Variants in GUCY1A1 observed in about 807,000 individuals in gnomAD.
GUCY1A1 encodes guanylate cyclase 1 soluble subunit alpha 1.
Under a neutral mutation model 64.5 loss-of-function variants are expected in GUCY1A1, and 48 were observed. That is an observed-to-expected ratio of 0.74 (90% CI 0.59 to 0.95). The LOEUF is 0.95. Ranked by LOEUF, GUCY1A1 falls within the 40% of genes least tolerant of loss-of-function variation. The pLI is 0.00. For missense variants in GUCY1A1, 804 were observed against 825.3 expected, an observed-to-expected ratio of 0.97 and a Z score of 0.32; for synonymous variants, 308 against 303.4, an observed-to-expected ratio of 1.02 and a Z score of -0.16.
chr4:155,708,708 T>C (rs1050618040), intron 5 of GUCY1A1, among the ~76,000 whole-genome samples: 4 of 152,214 alleles, frequency 2.6e-5, no homozygotes, highest in African/African-American at 7.2e-5. Context: ...AAAATTGATA[T>C]GTGACTTTGT....
At chr4:155,695,032 A>T (rs977475616) in intron 2 of GUCY1A1, among the ~76,000 whole-genome samples, 2 of 152,108 alleles carry the variant, frequency 1.3e-5, no homozygotes, top group African/African-American at 4.8e-5. Flanking sequence ...CAAATTTTCT[A>T]CTCATAAATG....
chr4:155,716,604 A>G (rs1733262723), intron 7 of GUCY1A1, among the ~76,000 whole-genome samples: 1 of 152,136 alleles, frequency 6.6e-6, no homozygotes, highest in African/African-American at 2.4e-5. Context: ...ATTAGTATCC[A>G]TTAGATATGT....
At chr4:155,672,948 G>T (rs563738926) in intron 2 of GUCY1A1, among the ~76,000 whole-genome samples, 2 of 152,036 alleles carry the variant, frequency 1.3e-5, no homozygotes, top group Admixed American at 1.3e-4. Context: ...GTTATTTTTA[G>T]TTTTGTTCTA....
intron 2 of GUCY1A1, among the ~76,000 whole-genome samples, chr4:155,681,308 G>A (rs1735726329): frequency 6.6e-6 from 1 of 152,088 alleles, no homozygotes; most frequent in South Asian, 2.1e-4. Flanking sequence ...TAACTTTTGT[G>A]CTCTGTATAG....
At position 155,731,237 on chromosome 4, in the gene GUCY1A1, G is replaced by C. The variant is rs1157811510; in HGVS notation, c.*1006G>C. The C allele has an allele frequency of 6.6e-6, 1 of 151,802 alleles. No individual in the cohort carries two copies. Among genetic ancestry groups the C allele is most frequent in the African/African-American group, 2.4e-5 (1 of 41,400 alleles). The allele number at this position is 151,802 out of a possible 1,614,324, so 9.4% of individuals were successfully genotyped here. A position where few individuals can be genotyped will look rare whatever the true frequency, so the allele number is the denominator to read the frequency against. ...CTATTGCCATGCTGAGCTGTTTAAA[G>C]TTTTAAGAAGAAAATCTAAGTATGG... On this transcript the variant is annotated 3_prime_UTR_variant, in exon 10 of 10. Coordinates refer to ENST00000506455, the MANE Select transcript of GUCY1A1 (RefSeq NM_001130682.3).
At position 155,734,884 on chromosome 4, in the gene GUCY1A1, C is replaced by G. The variant is rs1292338429; in HGVS notation, c.*4653C>G. The G allele has an allele frequency of 6.6e-6, 1 of 151,904 alleles. No individual in the cohort carries two copies. The highest frequency in any genetic ancestry group is 2.1e-4 in the South Asian group (1 of 4,826). 9.4% of individuals were successfully genotyped at this position (151,904 alleles called of 1,614,324 possible). A position where few individuals can be genotyped will look rare whatever the true frequency, so the allele number is the denominator to read the frequency against. On this transcript the variant is annotated 3_prime_UTR_variant, in exon 10 of 10. Transcript: ENST00000506455. ...TTCAAGACCTGGGAAATATTTGTATCCTTTAGTGAAAAGGGGAAGAATCAA... is the reference window on the plus strand; with the variant it reads ...TTCAAGACCTGGGAAATATTTGTATGCTTTAGTGAAAAGGGGAAGAATCAA...
At chr4:155,720,379 C>CTATCTATCT (rs61665821) in intron 8 of GUCY1A1, among the ~76,000 whole-genome samples, 1 of 148,788 alleles carries the variant, frequency 6.7e-6, no homozygotes, top group East Asian at 2.0e-4. Context: ...ATCTATCTAT[C>CTATCTATCT]ACTTGCTAAA....
intron 8 of GUCY1A1, among the ~76,000 whole-genome samples, chr4:155,719,766 T>C (rs375013836): frequency 6.6e-6 from 1 of 152,068 alleles, no homozygotes; most frequent in Non-Finnish European, 1.5e-5. Context: ...AGGTGACAAG[T>C]GAACACGGAA....
At chr4:155,693,306 A>G (rs1174134739) in intron 2 of GUCY1A1, among the ~76,000 whole-genome samples, 1 of 152,184 alleles carries the variant, frequency 6.6e-6, no homozygotes, top group African/African-American at 2.4e-5. Context: ...TTCTGAGAAC[A>G]TATTATTCCA....
chr4:155,735,192 C>G lies in GUCY1A1; in HGVS notation c.*4961C>G, dbSNP rs980813637. 6.6e-6 allele frequency: 1 copy of G among 151,960 alleles called. No individual in the cohort carries two copies. Among genetic ancestry groups the G allele is most frequent in the African/African-American group, 2.4e-5 (1 of 41,404 alleles). 9.4% of individuals were successfully genotyped at this position (151,960 alleles called of 1,614,324 possible). A position where few individuals can be genotyped will look rare whatever the true frequency, so the allele number is the denominator to read the frequency against. ...ATCTGTTTTGACTAGCCCACATAAC[C>G]TACACATTTTTCATCCAAAGCTATC... On this transcript the variant is annotated 3_prime_UTR_variant, in exon 10 of 10. Transcript: ENST00000506455.
intron 2 of GUCY1A1, among the ~76,000 whole-genome samples, chr4:155,688,397 G>A (rs1040471974): frequency 7.2e-5 from 11 of 152,138 alleles, no homozygotes; most frequent in Non-Finnish European, 1.6e-4. Context: ...AAATTTAAAA[G>A]AGGAGAAATT....
chr4:155,699,147 C>G (rs1730776113), intron 3 of GUCY1A1, among the ~76,000 whole-genome samples: 1 of 151,984 alleles, frequency 6.6e-6, no homozygotes, highest in Non-Finnish European at 1.5e-5. Context: ...GCATTGGTGC[C>G]TGCACACTTG....
chr4:155,688,947 G>C (rs1214305280), intron 2 of GUCY1A1, among the ~76,000 whole-genome samples: 1 of 151,872 alleles, frequency 6.6e-6, no homozygotes, highest in Non-Finnish European at 1.5e-5. Context: ...ACAGCCTTGA[G>C]TCTGCTGAGT....
chr4:155,690,399 A>G (rs998464501), intron 2 of GUCY1A1, among the ~76,000 whole-genome samples: 1 of 152,124 alleles, frequency 6.6e-6, no homozygotes, highest in Non-Finnish European at 1.5e-5. Flanking sequence ...TCCTACTCTG[A>G]CCCATTTTTC....
chr4:155,669,572 C>A (rs1309358197), intron 2 of GUCY1A1, among the ~76,000 whole-genome samples: 1 of 151,912 alleles, frequency 6.6e-6, no homozygotes, highest in Non-Finnish European at 1.5e-5. Context: ...ATAATTATGT[C>A]TTATTAAGGG....
chr4:155,679,098 G>T (rs1050332657), intron 2 of GUCY1A1, among the ~76,000 whole-genome samples: 1 of 151,352 alleles, frequency 6.6e-6, no homozygotes, highest in Non-Finnish European at 1.5e-5. Context: ...TTGTGTTTTT[G>T]TTTATGTAAT....
At position 155,696,854 on chromosome 4, in the gene GUCY1A1, G is replaced by A. The variant is rs1480853179; in HGVS notation, c.-14G>A. ...TCAGGAGGAGATCGCAGCAGGGTAAGAGACACCAACACCATGTTCTGCACG... is the reference window on the plus strand; with the variant it reads ...TCAGGAGGAGATCGCAGCAGGGTAAAAGACACCAACACCATGTTCTGCACG... On this transcript the variant is annotated 5_prime_UTR_variant, in exon 3 of 10. Transcript: ENST00000506455. 1 of 1,612,648 alleles carries A rather than the reference G, an allele frequency of 6.2e-7. No homozygotes were observed. The highest frequency in any genetic ancestry group is 1.3e-5 in the African/African-American group (1 of 74,878).
At position 155,700,073 on chromosome 4, in the gene GUCY1A1, A is replaced by G. The variant is rs181706983; in HGVS notation, c.255+2951A>G. On this transcript the variant is annotated intron_variant, in intron 3 of 9. Transcript: ENST00000506455. ...GAAAACTCTCTGCATTTCATTCACA[A>G]CCCATTGCTCTTCATAATATAATAT... is the stretch of plus-strand genomic sequence containing the variant. 9.1e-4 allele frequency among the ~76,000 whole-genome samples: 138 copies of G among 152,292 alleles called. 1 individual carries two copies. Among genetic ancestry groups the G allele is most frequent in the Non-Finnish European group, 1.5e-3 (105 of 68,022 alleles).
At chr4:155,710,126 G>A (rs1000683477) in intron 5 of GUCY1A1, among the ~76,000 whole-genome samples, 7 of 152,256 alleles carry the variant, frequency 4.6e-5, no homozygotes, top group Middle Eastern at 3.4e-3. Context: ...ATTAACTTCC[G>A]TGTCTGACCC....
Sources: allele counts gnomAD v4.1 joint callset (sites outside exome capture counted in the v4.1 genomes callset), GRCh38; gene constraint gnomAD v4.1.1; transcripts MANE v1.5; gene names NCBI Gene and HGNC (gene_info 2026-07-23, HGNC 2026-07-21).